MEGF11: variants seen among roughly 807,000 people sequenced by gnomAD.
MEGF11 encodes multiple epidermal growth factor-like domains protein 11.
Under a neutral mutation model 146.6 loss-of-function variants are expected in MEGF11, and 126 were observed. The observed-to-expected ratio is 0.86, with a 90% CI of 0.74 to 1.00. The LOEUF (loss-of-function observed/expected upper bound fraction) is 1.00. Among genes scored for constraint, MEGF11 ranks in the 50% least tolerant of loss-of-function variants. The probability of loss-of-function intolerance (pLI) is 0.00; values close to 1 mark genes in which losing one functional copy is unlikely to be tolerated. For missense variants in MEGF11, 1,509 were observed against 1,521.2 expected (o/e 0.99, Z 0.13); for synonymous variants, 532 against 583.4 (o/e 0.91, Z 1.27).
At position 65,901,021 on chromosome 15, in the gene MEGF11, C is replaced by T. The variant is rs1218927170; in HGVS notation, c.3056-2087G>A. On this transcript the variant is annotated intron_variant, in intron 24 of 25. Coordinates refer to ENST00000395614, the MANE Select transcript of MEGF11 (RefSeq NM_001385028.1). ...CTTCATATATATTTTTATTAGATGT[C>T]GACAAGGATGGCACATCTGTGTATG... 4.6e-5 allele frequency among the ~76,000 whole-genome samples: 7 copies of T among 152,144 alleles called. No homozygotes were observed. The South Asian group carries it at 1.0e-3, about 23-fold the overall frequency.
At chr15:66,204,428 A>C (rs866089211) in intron 1 of MEGF11, among the ~76,000 whole-genome samples, 8 of 151,972 alleles carry the variant, frequency 5.3e-5, no homozygotes, top group Admixed American at 3.3e-4. Flanking sequence ...AAAAAGAAAA[A>C]GAAAAAAAAG....
chr15:66,240,500 G>A (rs2092188806), intron 1 of MEGF11, among the ~76,000 whole-genome samples: 1 of 152,212 alleles, frequency 6.6e-6, no homozygotes, highest in South Asian at 2.1e-4. Context: ...CCACACCCTG[G>A]AACCTCTGTT....
chr15:66,140,880 G>T (rs2089118138), intron 1 of MEGF11, among the ~76,000 whole-genome samples: 1 of 152,098 alleles, frequency 6.6e-6, no homozygotes, highest in East Asian at 1.9e-4. Context: ...CCATATTCGG[G>T]GACTTGCGAG....
At chr15:65,950,322 C>T (rs1205777258) in intron 10 of MEGF11, among the ~76,000 whole-genome samples, 12 of 152,240 alleles carry the variant, frequency 7.9e-5, no homozygotes, top group Admixed American at 5.9e-4. Context: ...TAGTGGCTCA[C>T]GCCTGGAAAT....
At chr15:66,162,267 G>T (rs943502547) in intron 1 of MEGF11, among the ~76,000 whole-genome samples, 1 of 152,156 alleles carries the variant, frequency 6.6e-6, no homozygotes. Context: ...AGTGATGGTC[G>T]TGAAACAACG....
At chr15:66,160,242 CCTCTCTCTCTCT>C (rs143653192) in intron 1 of MEGF11, among the ~76,000 whole-genome samples, 12 of 133,410 alleles carry the variant, frequency 9.0e-5, no homozygotes, top group Non-Finnish European at 1.1e-4. Flanking sequence ...AAGGAAAAGC[CCTCTCTCTCTCT>C]CTCTCTCTCT....
At chr15:65,971,991 T>C (rs1353380487) in intron 7 of MEGF11, among the ~76,000 whole-genome samples, 1 of 151,874 alleles carries the variant, frequency 6.6e-6, no homozygotes, top group African/African-American at 2.4e-5. Context: ...TGCTATAAAA[T>C]AGGATATCCA....
Position 65,964,778 on chromosome 15 carries a change from G to C in MEGF11, c.1112+130C>G, listed in dbSNP as rs796490144. The C allele has an allele frequency of 3.5e-6, 3 of 847,262 alleles. No individual in the cohort carries two copies. In the South Asian group the frequency reaches 5.5e-5, roughly 15 times the overall value. The allele number at this position is 847,262 out of a possible 1,614,324, so 52.5% of individuals were successfully genotyped here. A position where few individuals can be genotyped will look rare whatever the true frequency, so the allele number is the denominator to read the frequency against. ...AAAGTGGTTCTCAGGGCTCAGTGCT[G>C]AGGTCCTAGCCCTTTCCCCCACCTG... is the stretch of plus-strand genomic sequence containing the variant. On this transcript the variant is annotated intron_variant, in intron 9 of 25. Transcript: ENST00000395614.
intron 5 of MEGF11, among the ~76,000 whole-genome samples, chr15:66,048,147 T>C (rs1184540181): frequency 6.6e-6 from 1 of 152,192 alleles, no homozygotes; most frequent in African/African-American, 2.4e-5. Context: ...GGTTTCACCA[T>C]GTTGGCCAGG....
intron 10 of MEGF11, among the ~76,000 whole-genome samples, chr15:65,937,595 C>T (rs544725472): frequency 5.3e-5 from 8 of 152,348 alleles, no homozygotes; most frequent in African/African-American, 1.9e-4. Flanking sequence ...TTGAAAGACA[C>T]TGCAGTCACT....
intron 5 of MEGF11, among the ~76,000 whole-genome samples, chr15:66,040,895 T>A (rs1255814509): frequency 1.4e-5 from 2 of 146,048 alleles, no homozygotes; most frequent in African/African-American, 5.1e-5. Context: ...TAGATTCGTA[T>A]CCACTCAGAG....
At chr15:65,903,181 A>C (rs1031069077) in intron 24 of MEGF11, among the ~76,000 whole-genome samples, 1 of 152,220 alleles carries the variant, frequency 6.6e-6, no homozygotes, top group Non-Finnish European at 1.5e-5. Flanking sequence ...TAAGAGCCCA[A>C]GTTTACGCAA....
At chr15:65,989,370 C>T (rs181352548) in intron 5 of MEGF11, among the ~76,000 whole-genome samples, 83 of 152,332 alleles carry the variant, frequency 5.4e-4, no homozygotes, top group African/African-American at 1.7e-3. Context: ...AGGCCCCCAC[C>T]TCCCTTCTCC....
intron 1 of MEGF11, among the ~76,000 whole-genome samples, chr15:66,231,697 G>C (rs957189991): frequency 1.3e-5 from 2 of 152,158 alleles, no homozygotes; most frequent in Non-Finnish European, 2.9e-5. Context: ...AGCTTCACAG[G>C]CCCTTTGGGC....
At chr15:66,031,682 G>C (rs1248776276) in intron 5 of MEGF11, among the ~76,000 whole-genome samples, 1 of 152,178 alleles carries the variant, frequency 6.6e-6, no homozygotes, top group Non-Finnish European at 1.5e-5. Context: ...TTCAGTGTGT[G>C]ATCTTGAGCA....
chr15:65,981,157 G>A, intron 6 of MEGF11, among the ~76,000 whole-genome samples: 1 of 152,204 alleles, frequency 6.6e-6, no homozygotes, highest in East Asian at 1.9e-4. Context: ...TTCTGGGGAG[G>A]AGGCTGAGGA....
chr15:66,078,036 G>A (rs2085666886), intron 5 of MEGF11, among the ~76,000 whole-genome samples: 1 of 152,130 alleles, frequency 6.6e-6, no homozygotes, highest in African/African-American at 2.4e-5. Context: ...CCCAAGTGTG[G>A]GAGGGGTTGG....
intron 5 of MEGF11, among the ~76,000 whole-genome samples, chr15:66,050,336 G>A (rs2140345045): frequency 6.7e-6 from 1 of 150,292 alleles, no homozygotes; most frequent in Non-Finnish European, 1.5e-5. Context: ...AGGGGAAGAG[G>A]GGGCTGGGGT....
intron 5 of MEGF11, among the ~76,000 whole-genome samples, chr15:66,026,990 A>C (rs572354139): frequency 6.6e-6 from 1 of 152,232 alleles, no homozygotes; most frequent in Non-Finnish European, 1.5e-5. Context: ...AAGGACACAT[A>C]TCCCACCTGC....
Sources: allele counts gnomAD v4.1 joint callset (sites outside exome capture counted in the v4.1 genomes callset), GRCh38; gene constraint gnomAD v4.1.1; transcripts MANE v1.5; gene names NCBI Gene and HGNC (gene_info 2026-07-23, HGNC 2026-07-21).